The following LAMA2 variants were observed in gnomAD, a reference collection of about 807,000 sequenced individuals.
The protein encoded by LAMA2 is laminin subunit alpha-2.
Under a neutral mutation model 364.8 loss-of-function variants are expected in LAMA2, and 269 were observed. That is an observed-to-expected ratio of 0.74 (90% CI 0.67 to 0.82). The LOEUF (loss-of-function observed/expected upper bound fraction) is 0.82. LAMA2 is among the 40% of genes least tolerant of loss of function. The pLI is 0.00. For synonymous variants in LAMA2, 1,379 were observed against 1,370.6 expected, an observed-to-expected ratio of 1.01 and a Z score of -0.14; for missense variants, 3,807 against 3,873.2, an observed-to-expected ratio of 0.98 and a Z score of 0.45.
At chr6:128,937,641 C>T (rs1467211827) in intron 1 of LAMA2, among the ~76,000 whole-genome samples, 2 of 151,594 alleles carry the variant, frequency 1.3e-5, no homozygotes, top group Non-Finnish European at 2.9e-5. Flanking sequence ...TGCAATGTCT[C>T]CTCTTTAATT....
intron 1 of LAMA2, among the ~76,000 whole-genome samples, chr6:129,029,757 T>C (rs1786095175): frequency 1.3e-5 from 2 of 152,050 alleles, no homozygotes; most frequent in African/African-American, 4.8e-5. Context: ...GAAATGATTG[T>C]AGCAAGTGGT....
At chr6:129,172,443 G>A (rs571720889) in intron 9 of LAMA2, among the ~76,000 whole-genome samples, 3 of 152,230 alleles carry the variant, frequency 2.0e-5, no homozygotes, top group East Asian at 1.9e-4. Flanking sequence ...CGTGTGAGGT[G>A]TCAGTGTGCC....
At chr6:129,216,026 T>C (rs566197735) in intron 12 of LAMA2, among the ~76,000 whole-genome samples, 3 of 152,304 alleles carry the variant, frequency 2.0e-5, no homozygotes, top group African/African-American at 7.2e-5. Flanking sequence ...AAATAATGGT[T>C]GACTGTGCCT....
At chr6:129,172,493 C>G (rs892972227) in intron 9 of LAMA2, among the ~76,000 whole-genome samples, 5 of 152,202 alleles carry the variant, frequency 3.3e-5, no homozygotes, top group African/African-American at 1.2e-4. Context: ...GCTCAGGGGT[C>G]AGGGGTCAGG....
chr6:129,273,385 A>T (rs1448904095), intron 17 of LAMA2, among the ~76,000 whole-genome samples: 1 of 152,186 alleles, frequency 6.6e-6, no homozygotes, highest in African/African-American at 2.4e-5. Flanking sequence ...CTCAGCCAAG[A>T]TGTCATGAGC....
chr6:129,267,278 G>T, intron 16 of LAMA2, 59 bp downstream of exon 16: 2 of 1,133,836 alleles, frequency 1.8e-6, no homozygotes, highest in Non-Finnish European at 2.7e-6. Flanking sequence ...CTCGACAGAT[G>T]CTACAATTCA....
At position 129,274,540 on chromosome 6, in the gene LAMA2, AT is replaced by A. The variant is rs146532197; in HGVS notation, c.2450+3793del. Among the ~76,000 whole-genome samples the A allele has an allele frequency of 2.7e-3, 407 of 152,142 alleles. 3 individuals are homozygous for A. The highest frequency in any genetic ancestry group is 9.5e-3 in the African/African-American group (393 of 41,560). On this transcript the variant is annotated intron_variant, in intron 17 of 64. Transcript: ENST00000421865. ...GTCATAAATCTTATAGATCACAAGCATTTTGGCTCCAAATTTCTTAGATAAT... is the reference window on the plus strand; with the variant it reads ...GTCATAAATCTTATAGATCACAAGCATTTGGCTCCAAATTTCTTAGATAAT...
At chr6:129,172,099 A>T (rs1205421857) in intron 9 of LAMA2, among the ~76,000 whole-genome samples, 29 of 149,050 alleles carry the variant, frequency 1.9e-4, no homozygotes, top group Non-Finnish European at 3.6e-4. Context: ...AAAGTTTTCA[A>T]CTTCTTTGCC....
chr6:129,380,318 G>A (rs1022469026), intron 34 of LAMA2, among the ~76,000 whole-genome samples: 4 of 152,112 alleles, frequency 2.6e-5, no homozygotes, highest in African/African-American at 9.7e-5. Flanking sequence ...AATAAGGTTG[G>A]CAAGATTGGT....
chr6:129,180,427 C>T (rs181854571), intron 10 of LAMA2, among the ~76,000 whole-genome samples: 47 of 152,034 alleles, frequency 3.1e-4, no homozygotes, highest in Non-Finnish European at 5.7e-4. Context: ...ACATTTGTAC[C>T]TTTATTCTCT....
intron 1 of LAMA2, among the ~76,000 whole-genome samples, chr6:129,025,309 A>G (rs1785734738): frequency 6.6e-6 from 1 of 152,174 alleles, no homozygotes; most frequent in Admixed American, 6.5e-5. Context: ...ATTTGGGAAA[A>G]GTGCAAGTAT....
rs11287525 is a variant in LAMA2, at chr6:129,271,464, CTTTTT to C, written c.2450+732_2450+736del. 1.1e-4 allele frequency among the ~76,000 whole-genome samples: 9 copies of C among 80,252 alleles called. No homozygotes were observed. The South Asian group carries it at 1.8e-3, about 16-fold the overall frequency. The allele number at this position is 80,252 out of a possible 152,430, so 52.6% of individuals were successfully genotyped here. ...GTTGTTTTGTTTTTAAATTGGGATA[CTTTTT>C]TTTTTTTTTTTTTTTTTTGAGACAG... On this transcript the variant is annotated intron_variant, in intron 17 of 64. Coordinates refer to ENST00000421865, the MANE Select transcript of LAMA2 (RefSeq NM_000426.4).
At chr6:129,068,570 T>C (rs1468372791) in intron 3 of LAMA2, among the ~76,000 whole-genome samples, 21 of 152,122 alleles carry the variant, frequency 1.4e-4, no homozygotes, top group Admixed American at 1.4e-3. Flanking sequence ...CCTAATTACC[T>C]CCCCAATCCC....
chr6:129,034,784 T>G (rs1786500005), intron 1 of LAMA2, among the ~76,000 whole-genome samples: 1 of 152,206 alleles, frequency 6.6e-6, no homozygotes, highest in Non-Finnish European at 1.5e-5. Context: ...TCCATCCATG[T>G]TGCTGCAAAG....
At chr6:128,913,463 G>A (rs1022312440) in intron 1 of LAMA2, among the ~76,000 whole-genome samples, 3 of 152,136 alleles carry the variant, frequency 2.0e-5, no homozygotes, top group Admixed American at 1.3e-4. Flanking sequence ...ATGTCTGTAT[G>A]AACGTAAGCT....
intron 3 of LAMA2, among the ~76,000 whole-genome samples, chr6:129,088,110 C>T (rs185900882): frequency 0.041 from 1,600 of 39,484 alleles, 338 homozygotes; most frequent in African/African-American, 0.06. Flanking sequence ...AACGCGCATG[C>T]TGCCTTAAAG....
intron 55 of LAMA2, among the ~76,000 whole-genome samples, chr6:129,485,597 G>A (rs1049167230): frequency 1.3e-5 from 2 of 152,144 alleles, no homozygotes; most frequent in Non-Finnish European, 2.9e-5. Flanking sequence ...AAATGGGTTT[G>A]ATATGGCAAA....
chr6:129,251,798 G>C (rs1038117701), intron 13 of LAMA2, among the ~76,000 whole-genome samples: 3 of 152,084 alleles, frequency 2.0e-5, no homozygotes, highest in African/African-American at 7.2e-5. Context: ...AGCCAGGCTT[G>C]GTGGCAGGCG....
intron 1 of LAMA2, among the ~76,000 whole-genome samples, chr6:128,950,749 C>T (rs1290739301): frequency 2.6e-5 from 4 of 151,856 alleles, no homozygotes; most frequent in Non-Finnish European, 5.9e-5. Flanking sequence ...TATAATAATA[C>T]ATCATATATA....
Sources: gnomAD v4.1 joint callset for allele counts (sites outside exome capture counted in the v4.1 genomes callset) on GRCh38, gnomAD v4.1.1 for gene constraint, MANE v1.5 for transcripts, NCBI Gene and HGNC (gene_info 2026-07-23, HGNC 2026-07-21) for gene names.